Variants in DSCAM observed in about 807,000 individuals in gnomAD.
The protein encoded by DSCAM is cell adhesion molecule DSCAM.
In DSCAM, 47 loss-of-function variants were observed where a neutral mutation model predicts 217.7. The observed-to-expected ratio is 0.22, with a 90% CI of 0.17 to 0.28. The LOEUF (loss-of-function observed/expected upper bound fraction) is 0.28. Among genes scored for constraint, DSCAM ranks in the 10% least tolerant of loss-of-function variants. The probability of loss-of-function intolerance (pLI) is 1.00; values close to 1 mark genes in which losing one functional copy is unlikely to be tolerated. For missense variants in DSCAM, 2,080 were observed against 2,618.3 expected, an observed-to-expected ratio of 0.79 and a Z score of 4.49; for synonymous variants, 1,056 against 1,015.3, an observed-to-expected ratio of 1.04 and a Z score of -0.76.
intron 3 of DSCAM, among the ~76,000 whole-genome samples, chr21:40,681,926 GGACCCTCCCCAGAGTACTGACAGA>G (rs1601845395): frequency 6.6e-6 from 1 of 152,142 alleles, no homozygotes; most frequent in Non-Finnish European, 1.5e-5. Context: ...GGCCTGACAG[GGACCCTCCCCAGAGTACTGACAGA>G]GACCCTCCCC....
chr21:40,672,655 T>G (rs2090290666), intron 3 of DSCAM, among the ~76,000 whole-genome samples: 1 of 152,086 alleles, frequency 6.6e-6, no homozygotes, highest in Admixed American at 6.5e-5. Flanking sequence ...AAGAACAGAG[T>G]GCCTAAAGGG....
intron 16 of DSCAM, among the ~76,000 whole-genome samples, chr21:40,161,498 G>A (rs945595651): frequency 6.6e-6 from 1 of 151,914 alleles, no homozygotes; most frequent in Non-Finnish European, 1.5e-5. Flanking sequence ...TTAATTTAAC[G>A]CATATTAATT....
In DSCAM at chr21:40,823,200, A is replaced by G. The variant is rs570925879; in HGVS notation, c.43+23419T>C. Among the ~76,000 whole-genome samples the G allele has an allele frequency of 4.8e-3, 314 of 65,650 alleles. 1 individual carries two copies. Among genetic ancestry groups the G allele is most frequent in the African/African-American group, 0.019 (300 of 16,080 alleles). The allele number at this position is 65,650 out of a possible 152,430, so 43.1% of individuals were successfully genotyped here. A position where few individuals can be genotyped will look rare whatever the true frequency, so the allele number is the denominator to read the frequency against. On this transcript the variant is annotated intron_variant, in intron 1 of 32. Coordinates refer to ENST00000400454, the MANE Select transcript of DSCAM (RefSeq NM_001389.5). The stretch of plus-strand genomic sequence containing the variant: ...AAGAATGCTTAATCTTAGCATACAT[A>G]CATTGTGTGTGTGTGTGTGTGTGTG...
rs570155350 is a variant in DSCAM, at chr21:40,150,625, G to C, written c.3019-5894C>G. Among the ~76,000 whole-genome samples, 328 of 152,318 alleles carry C rather than the reference G, an allele frequency of 2.2e-3. 2 individuals are homozygous for C. The highest frequency in any genetic ancestry group is 7.6e-3 in the African/African-American group (316 of 41,566). On this transcript the variant is annotated intron_variant, in intron 16 of 32. Transcript: ENST00000400454. The stretch of plus-strand genomic sequence containing the variant: ...TATGGATGAGTCAGTAGGAGTGGAA[G>C]GTGTGCTTAGTGGAGACACGTGAAT...
At chr21:40,812,800 A>G (rs2091850161) in intron 1 of DSCAM, among the ~76,000 whole-genome samples, 1 of 152,178 alleles carries the variant, frequency 6.6e-6, no homozygotes, top group Non-Finnish European at 1.5e-5. Context: ...GTCACGCACA[A>G]CCCAGTTGAT....
chr21:40,044,916 C>A (rs968763569), intron 30 of DSCAM, among the ~76,000 whole-genome samples: 1 of 152,142 alleles, frequency 6.6e-6, no homozygotes, highest in African/African-American at 2.4e-5. Context: ...TGTTCATGTC[C>A]TAACCCCCAG....
rs2074462430 is a variant in DSCAM at position 40,339,254 on chromosome 21, T to A, written c.1372A>T (p.Met458Leu). 2 of 1,614,158 alleles carry A rather than the reference T, an allele frequency of 1.2e-6. No homozygotes were observed. The highest frequency in any genetic ancestry group is 1.7e-6 in the Non-Finnish European group (2 of 1,180,028). Residue 458 changes from methionine to leucine, a missense_variant, in exon 7 of 33, where the codon ATG (methionine) becomes TTG (leucine). This residue lies in a region of DSCAM where 568 missense variants were observed against 678.1 expected (regional missense o/e 0.84). Transcript: ENST00000400454. ...LKGGSHRISQ[M>L]ITSEGNVVSY... ...ACCACGTTCCCCTCCGACGTGATCA[T>A]CTGGCTGATGCGGTGACTGCCACCC...
At chr21:40,462,232 G>T (rs1367377676) in intron 3 of DSCAM, among the ~76,000 whole-genome samples, 4 of 152,154 alleles carry the variant, frequency 2.6e-5, no homozygotes, top group Non-Finnish European at 4.4e-5. Context: ...GAACCCAAGA[G>T]TACTTCTATT....
At chr21:40,121,285 C>A (rs1601351924) in intron 20 of DSCAM, among the ~76,000 whole-genome samples, 1 of 152,108 alleles carries the variant, frequency 6.6e-6, no homozygotes, top group African/African-American at 2.4e-5. Flanking sequence ...GTTTCTTGAT[C>A]ATTTCATATT....
intron 3 of DSCAM, among the ~76,000 whole-genome samples, chr21:40,684,069 A>G (rs2090447908): frequency 6.6e-6 from 1 of 151,652 alleles, no homozygotes; most frequent in African/African-American, 2.4e-5. Flanking sequence ...TACTAAAAAA[A>G]AAAAAATAGC....
intron 10 of DSCAM, among the ~76,000 whole-genome samples, chr21:40,291,768 C>T (rs78564013): frequency 6.6e-6 from 1 of 151,760 alleles, no homozygotes; most frequent in African/African-American, 2.4e-5. Flanking sequence ...TCCAGCGTCA[C>T]CCCCCAGGCA....
At chr21:40,814,654 G>T (rs545772107) in intron 1 of DSCAM, among the ~76,000 whole-genome samples, 2 of 152,298 alleles carry the variant, frequency 1.3e-5, no homozygotes, top group African/African-American at 4.8e-5. Flanking sequence ...AGAAGAGCGG[G>T]AAAAGGATAT....
At chr21:40,228,016 GAA>G (rs1286561278) in intron 11 of DSCAM, among the ~76,000 whole-genome samples, 1 of 152,116 alleles carries the variant, frequency 6.6e-6, no homozygotes, top group African/African-American at 2.4e-5. Flanking sequence ...CAGTCTTGAG[GAA>G]TGCTGGTCAG....
chr21:40,845,805 T>G (rs949082592), intron 1 of DSCAM, among the ~76,000 whole-genome samples: 12 of 152,188 alleles, frequency 7.9e-5, no homozygotes, highest in Non-Finnish European at 7.3e-5. Flanking sequence ...CATTCATACA[T>G]GTAAGTTCAT....
At chr21:40,530,614 A>AT (rs1018863305) in intron 3 of DSCAM, among the ~76,000 whole-genome samples, 6 of 152,216 alleles carry the variant, frequency 3.9e-5, no homozygotes, top group Non-Finnish European at 8.8e-5. Flanking sequence ...CTAAGAAAAT[A>AT]TTTTTTCTCA....
chr21:40,597,922 A>G (rs2077034171), intron 3 of DSCAM, among the ~76,000 whole-genome samples: 2 of 152,200 alleles, frequency 1.3e-5, no homozygotes, highest in African/African-American at 4.8e-5. Context: ...TATTATGAAC[A>G]TCTTGCAACA....
At chr21:40,536,438 GTCC>G (rs1329980762) in intron 3 of DSCAM, among the ~76,000 whole-genome samples, 1 of 137,362 alleles carries the variant, frequency 7.3e-6, no homozygotes, top group Non-Finnish European at 1.5e-5. Flanking sequence ...GTCTCGCTGT[GTCC>G]CCCAGGCTGG....
chr21:40,154,551 G>A lies in DSCAM; in HGVS notation c.3019-9820C>T, dbSNP rs189718286. Among the ~76,000 whole-genome samples, 549 of 152,158 alleles carry A rather than the reference G, an allele frequency of 3.6e-3. 6 individuals carry two copies. Among genetic ancestry groups the A allele is most frequent in the African/African-American group, 0.013 (525 of 41,518 alleles). On this transcript the variant is annotated intron_variant, in intron 16 of 32. Transcript: ENST00000400454. ...TTACCAGCAGTGAACCACTGCTTCC[G>A]GTCTCAAATGATATTTTTGTTCATA...
intron 20 of DSCAM, among the ~76,000 whole-genome samples, chr21:40,111,691 T>C (rs150550920): frequency 0.12 from 18,663 of 151,968 alleles, 1,253 homozygotes; most frequent in Non-Finnish European, 0.16. Context: ...CAGAGACACA[T>C]ATAGGCTCAA....
Sources: gnomAD v4.1 joint callset for allele counts (sites outside exome capture counted in the v4.1 genomes callset) on GRCh38, gnomAD v4.1.1 for gene constraint, gnomAD v4.1.1 regional missense constraint, MANE v1.5 for transcripts, NCBI Gene and HGNC (gene_info 2026-07-23, HGNC 2026-07-21) for gene names.